The following TMTC2 variants were observed in gnomAD, a reference collection of about 807,000 sequenced individuals.
TMTC2 encodes the protein transmembrane O-mannosyltransferase targeting cadherins 2.
A neutral mutation model predicts 82.4 loss-of-function variants in TMTC2; 43 were observed. The observed-to-expected ratio is 0.52, with a 90% CI of 0.41 to 0.67. The LOEUF (loss-of-function observed/expected upper bound fraction) is 0.67, where lower values mean the gene tolerates loss of function less well. Among genes scored for constraint, TMTC2 ranks in the 30% least tolerant of loss-of-function variants. TMTC2 has a pLI of 0.00. For synonymous variants in TMTC2, 408 were observed against 381.9 expected (o/e 1.07, Z -0.80); for missense variants, 919 against 1,012.4 (o/e 0.91, Z 1.25).
chr12:82,975,152 A>G (rs1878614832), intron 7 of TMTC2, among the ~76,000 whole-genome samples: 1 of 152,194 alleles, frequency 6.6e-6, no homozygotes, highest in South Asian at 2.1e-4. Context: ...CAAAGCATTT[A>G]GCATGCCAAA....
At chr12:82,797,935 A>ATTTT (rs72046660) in intron 1 of TMTC2, among the ~76,000 whole-genome samples, 1 of 121,810 alleles carries the variant, frequency 8.2e-6, no homozygotes, top group African/African-American at 3.2e-5. Flanking sequence ...AACCACCCTA[A>ATTTT]TTTTTTTTTT....
intron 1 of TMTC2, among the ~76,000 whole-genome samples, chr12:82,776,899 C>T (rs1056542199): frequency 6.6e-6 from 1 of 152,150 alleles, no homozygotes; most frequent in Non-Finnish European, 1.5e-5. Context: ...GATCATGCCA[C>T]TCTACTCCAA....
rs1211566119 is a variant in TMTC2, at chr12:83,132,599, G to A, written c.*210G>A. The A allele has an allele frequency of 3.6e-6, 2 of 552,138 alleles. No homozygotes were observed. Among genetic ancestry groups the A allele is most frequent in the Non-Finnish European group, 6.2e-6 (2 of 323,524 alleles). 34.2% of individuals were successfully genotyped at this position (552,138 alleles called of 1,614,324 possible). A position where few individuals can be genotyped will look rare whatever the true frequency, so the allele number is the denominator to read the frequency against. ...GGGGAAAGCCGGAAACCTCCTGGAG[G>A]ATGTCATTGTTACCCATAGACTGTA... On this transcript the variant is annotated 3_prime_UTR_variant, in exon 12 of 12. Coordinates refer to ENST00000321196, the MANE Select transcript of TMTC2 (RefSeq NM_152588.3).
At chr12:82,805,126 G>T (rs186998953) in intron 1 of TMTC2, among the ~76,000 whole-genome samples, 1 of 152,070 alleles carries the variant, frequency 6.6e-6, no homozygotes, top group African/African-American at 2.4e-5. Flanking sequence ...GGCTAGCAAC[G>T]TAGAACTTTC....
intron 1 of TMTC2, among the ~76,000 whole-genome samples, chr12:82,815,817 A>G (rs1180021885): frequency 1.3e-5 from 2 of 152,106 alleles, no homozygotes; most frequent in Non-Finnish European, 2.9e-5. Context: ...AACACTGTCC[A>G]TTCTCCGGAA....
chr12:83,045,205 G>A (rs184845933), intron 9 of TMTC2, among the ~76,000 whole-genome samples: 9 of 152,232 alleles, frequency 5.9e-5, no homozygotes, highest in Non-Finnish European at 2.9e-5. Flanking sequence ...GATCTCTAGA[G>A]AATGCTTCCT....
chr12:83,065,140 T>C (rs1882873067), intron 11 of TMTC2, among the ~76,000 whole-genome samples: 1 of 151,988 alleles, frequency 6.6e-6, no homozygotes, highest in Non-Finnish European at 1.5e-5. Flanking sequence ...AATATGAAGC[T>C]GCAACCTTCA....
rs142497987 is a variant in TMTC2 at position 82,728,695 on chromosome 12, C to T, written c.83+41026C>T. On this transcript the variant is annotated intron_variant, in intron 1 of 11. Transcript: ENST00000321196. ...ACGCTTGAGGAGCCCTTCAGCATGC[C>T]GCTGCACTATGGGAGCCCCTTTCTG... is the stretch of plus-strand genomic sequence containing the variant. Among the ~76,000 whole-genome samples, 23 of 152,344 alleles carry T rather than the reference C, an allele frequency of 1.5e-4. No homozygotes were observed. The East Asian group carries it at 4.3e-3, about 28-fold the overall frequency.
At chr12:82,885,702 A>T (rs1458269112) in intron 2 of TMTC2, among the ~76,000 whole-genome samples, 1 of 152,160 alleles carries the variant, frequency 6.6e-6, no homozygotes, top group Non-Finnish European at 1.5e-5. Flanking sequence ...AAGAACATAC[A>T]TGTAAAATAA....
At chr12:83,061,674 T>C in intron 10 of TMTC2, 94 bp from the exon 11 acceptor site, 1 of 1,164,222 alleles carries the variant, frequency 8.6e-7, no homozygotes, top group Non-Finnish European at 1.2e-6. Flanking sequence ...GTGACCAGAA[T>C]TTTTTTAAAA....
chr12:82,971,953 C>T (rs1878466625), intron 7 of TMTC2, among the ~76,000 whole-genome samples: 1 of 152,126 alleles, frequency 6.6e-6, no homozygotes, highest in African/African-American at 2.4e-5. Context: ...TAGGGCCTCT[C>T]TGTAATAATT....
chr12:82,771,673 G>A (rs1049904899), intron 1 of TMTC2, among the ~76,000 whole-genome samples: 3 of 152,108 alleles, frequency 2.0e-5, no homozygotes, highest in Admixed American at 6.6e-5. Flanking sequence ...ATGCATCAAA[G>A]ATAAGTAATT....
intron 1 of TMTC2, among the ~76,000 whole-genome samples, chr12:82,794,699 A>G (rs1420960020): frequency 6.6e-6 from 1 of 152,162 alleles, no homozygotes; most frequent in Non-Finnish European, 1.5e-5. Flanking sequence ...TTGAAAGTAT[A>G]TTTATTAAGG....
intron 8 of TMTC2, among the ~76,000 whole-genome samples, chr12:82,997,412 GTA>G (rs201322827): frequency 0.022 from 762 of 34,594 alleles, 23 homozygotes; most frequent in South Asian, 0.088. Flanking sequence ...ATATATATGT[GTA>G]TATATATATA....
chr12:83,083,584 G>A lies in TMTC2; in HGVS notation c.2331+21753G>A, dbSNP rs184973560. On this transcript the variant is annotated intron_variant, in intron 11 of 11. Transcript: ENST00000321196. ...TTGGTTCTTCTCACCTTGCTTTCCC[G>A]AGCGCGTAGACTGGTGCCTAAAGAT... Among the ~76,000 whole-genome samples the A allele has an allele frequency of 2.4e-4, 36 of 152,228 alleles. 1 individual carries two copies. The East Asian group carries it at 2.5e-3, about 11-fold the overall frequency.
intron 3 of TMTC2, among the ~76,000 whole-genome samples, chr12:82,926,497 C>G (rs1875723806): frequency 6.6e-6 from 1 of 152,178 alleles, no homozygotes; most frequent in South Asian, 2.1e-4. Context: ...CAGGGTGAAG[C>G]AGTAAGTACT....
At chr12:82,800,985 T>C (rs1473896316) in intron 1 of TMTC2, among the ~76,000 whole-genome samples, 1 of 152,180 alleles carries the variant, frequency 6.6e-6, no homozygotes, top group Non-Finnish European at 1.5e-5. Context: ...TTGTAACTTT[T>C]ATGTATTTGT....
intron 8 of TMTC2, among the ~76,000 whole-genome samples, chr12:82,988,120 A>C (rs1879245103): frequency 6.6e-6 from 1 of 152,208 alleles, no homozygotes; most frequent in Non-Finnish European, 1.5e-5. Flanking sequence ...TGGGCAAATC[A>C]GACTAAGCTT....
At chr12:82,960,805 T>C (rs560095772) in intron 4 of TMTC2, among the ~76,000 whole-genome samples, 1 of 124,628 alleles carries the variant, frequency 8.0e-6, no homozygotes, top group African/African-American at 3.1e-5. Flanking sequence ...TTAACAAATA[T>C]ATAGGTATCA....
Sources: allele counts gnomAD v4.1 joint callset (sites outside exome capture counted in the v4.1 genomes callset), GRCh38; gene constraint gnomAD v4.1.1; transcripts MANE v1.5; gene names NCBI Gene and HGNC (gene_info 2026-07-23, HGNC 2026-07-21).